The following FRMD4A variants were observed in gnomAD, a reference collection of about 807,000 sequenced individuals.
FRMD4A encodes the protein FERM domain-containing protein 4A.
FRMD4A carries 29 observed loss-of-function variants against 129.1 expected under a neutral mutation model. The observed-to-expected ratio is 0.22, with a 90% CI of 0.17 to 0.31. FRMD4A has a LOEUF of 0.31. FRMD4A is among the 10% of genes least tolerant of loss of function. The pLI, the probability that FRMD4A is intolerant of heterozygous loss-of-function variation, is 1.00. For synonymous variants in FRMD4A, 634 were observed against 571.6 expected, an observed-to-expected ratio of 1.11 and a Z score of -1.56; for missense variants, 1,272 against 1,375.8, an observed-to-expected ratio of 0.92 and a Z score of 1.19.
chr10:13,961,298 A>G (rs145669956), intron 2 of FRMD4A, among the ~76,000 whole-genome samples: 1 of 152,288 alleles, frequency 6.6e-6, no homozygotes, highest in East Asian at 1.9e-4. Flanking sequence ...TTCACTGGAA[A>G]CCCATCTGGT....
intron 2 of FRMD4A, among the ~76,000 whole-genome samples, chr10:14,089,646 A>AAAAAC (rs1836541253): frequency 6.6e-6 from 1 of 151,186 alleles, no homozygotes; most frequent in Admixed American, 6.6e-5. Context: ...AAAACAAACA[A>AAAAAC]AAAAAAAACA....
intron 3 of FRMD4A, among the ~76,000 whole-genome samples, chr10:13,839,488 T>G (rs2093929211): frequency 6.6e-6 from 1 of 152,224 alleles, no homozygotes. Context: ...AGAGGGCATC[T>G]GTAGATGTAG....
At chr10:13,864,728 A>G (rs1012351082) in intron 2 of FRMD4A, among the ~76,000 whole-genome samples, 10 of 151,798 alleles carry the variant, frequency 6.6e-5, no homozygotes, top group South Asian at 4.2e-4. Flanking sequence ...GGCACCCGCC[A>G]CCATGCCAGG....
At chr10:14,314,996 C>T (rs567724707) in intron 2 of FRMD4A, among the ~76,000 whole-genome samples, 30 of 151,646 alleles carry the variant, frequency 2.0e-4, no homozygotes, top group African/African-American at 7.3e-4. Context: ...CTGTACCTAA[C>T]TCTTCATCAC....
At chr10:14,234,825 G>A (rs150161508) in intron 2 of FRMD4A, among the ~76,000 whole-genome samples, 1,728 of 152,298 alleles carry the variant, frequency 0.011, 29 homozygotes, top group Non-Finnish European at 0.012. Flanking sequence ...CAGCCTCATG[G>A]TCCCACCTCT....
intron 4 of FRMD4A, among the ~76,000 whole-genome samples, chr10:13,798,337 G>A (rs1181032722): frequency 3.9e-5 from 6 of 152,038 alleles, no homozygotes; most frequent in African/African-American, 7.2e-5. Context: ...GCTTGAACCC[G>A]GGAGATGGAG....
chr10:14,183,838 T>G (rs11817934), intron 2 of FRMD4A, among the ~76,000 whole-genome samples: 1,696 of 152,298 alleles, frequency 0.011, 30 homozygotes, highest in African/African-American at 0.036. Context: ...TCTGTCTCAA[T>G]TTTAGTAAGA....
chr10:14,127,635 C>T (rs1030480849), intron 2 of FRMD4A, among the ~76,000 whole-genome samples: 1 of 152,196 alleles, frequency 6.6e-6, no homozygotes, highest in African/African-American at 2.4e-5. Context: ...AGACCCTTCA[C>T]TGTGGGAATG....
chr10:14,271,958 A>G (rs1239064170), intron 2 of FRMD4A, among the ~76,000 whole-genome samples: 1 of 152,126 alleles, frequency 6.6e-6, no homozygotes. Flanking sequence ...TCAGTACATT[A>G]TAATTAATTT....
chr10:13,921,536 T>C (rs1373689216), intron 2 of FRMD4A, among the ~76,000 whole-genome samples: 14 of 152,190 alleles, frequency 9.2e-5, no homozygotes, highest in Non-Finnish European at 5.9e-5. Context: ...GTTGGAATTA[T>C]AGGCATGAGC....
At chr10:14,328,853 A>T (rs182909776) in intron 2 of FRMD4A, among the ~76,000 whole-genome samples, 3 of 152,314 alleles carry the variant, frequency 2.0e-5, no homozygotes, top group African/African-American at 7.2e-5. Flanking sequence ...CGATAGAATT[A>T]GTAAGGGAAA....
rs750389629 is a variant in FRMD4A at position 13,659,410 on chromosome 10, C to T, written c.1979G>A (p.Arg660His). ...CTGGGAGTTCCAGTGCGGGAGGCCG[C>T]GGATGGGGCTGTTCTGCAAGGAGTT... Reference protein sequence around the residue: ...GSNSLQNSPIRGLPHWNSQSS... With the variant: ...GSNSLQNSPIHGLPHWNSQSS... Residue 660 changes from arginine (R) to histidine (H), a missense_variant, in exon 21 of 25, where the codon CGC becomes CAC. Around this residue, in one of 2 missense-constraint regions of FRMD4A, gnomAD observed 972 missense variants for 892.3 expected, o/e 1.09. Coordinates refer to ENST00000357447, the MANE Select transcript of FRMD4A (RefSeq NM_018027.5). 5.6e-6 allele frequency: 9 copies of T among 1,613,892 alleles called. No homozygotes were observed. Among genetic ancestry groups the T allele is most frequent in the Admixed American group, 5.0e-5 (3 of 60,012 alleles).
chr10:14,197,053 C>A (rs921176582), intron 2 of FRMD4A, among the ~76,000 whole-genome samples: 2 of 152,124 alleles, frequency 1.3e-5, no homozygotes, highest in Non-Finnish European at 2.9e-5. Context: ...AGCCTGAAGA[C>A]CCAGAAACAT....
chr10:14,099,168 A>G (rs908417526), intron 2 of FRMD4A, among the ~76,000 whole-genome samples: 1 of 152,182 alleles, frequency 6.6e-6, no homozygotes, highest in African/African-American at 2.4e-5. Flanking sequence ...CTCAGACTCC[A>G]TCATTGTCAC....
At chr10:14,042,924 C>CA (rs57492155) in intron 2 of FRMD4A, among the ~76,000 whole-genome samples, 1,888 of 62,570 alleles carry the variant, frequency 0.03, 86 homozygotes, top group East Asian at 0.13. Context: ...GACTCCATCT[C>CA]AAAAAAAAAA....
At chr10:14,138,421 G>T (rs1287590970) in intron 2 of FRMD4A, among the ~76,000 whole-genome samples, 1 of 152,168 alleles carries the variant, frequency 6.6e-6, no homozygotes. Context: ...AATTCAACCT[G>T]CTTTACTAAC....
At chr10:14,054,369 C>G (rs2054330) in intron 2 of FRMD4A, among the ~76,000 whole-genome samples, 142,336 of 152,198 alleles carry the variant, frequency 0.94, 66,758 homozygotes, top group Middle Eastern at 0.98. Context: ...TTCAGGAAAA[C>G]GGACGCTGCT....
chr10:14,048,253 C>T (rs1014655423), intron 2 of FRMD4A, among the ~76,000 whole-genome samples: 1 of 152,120 alleles, frequency 6.6e-6, no homozygotes, highest in African/African-American at 2.4e-5. Context: ...CCAGAGCACA[C>T]GACTGCTGGG....
intron 2 of FRMD4A, among the ~76,000 whole-genome samples, chr10:13,939,927 G>A (rs1006929372): frequency 6.6e-6 from 1 of 152,180 alleles, no homozygotes; most frequent in Non-Finnish European, 1.5e-5. Flanking sequence ...ATACACATTT[G>A]TAAGGTGTAT....
Sources: gnomAD v4.1 joint callset for allele counts (sites outside exome capture counted in the v4.1 genomes callset) on GRCh38, gnomAD v4.1.1 for gene constraint, gnomAD v4.1.1 regional missense constraint, MANE v1.5 for transcripts, NCBI Gene and HGNC (gene_info 2026-07-23, HGNC 2026-07-21) for gene names.